CAMTA1: variants seen among roughly 807,000 people sequenced by gnomAD.
CAMTA1 encodes the protein calmodulin-binding transcription activator 1.
Under a neutral mutation model 170.9 loss-of-function variants are expected in CAMTA1, and 27 were observed. The ratio of observed to expected loss-of-function variants is 0.16; its 90% CI spans 0.12 to 0.22. The LOEUF is 0.22. Ranked by LOEUF, CAMTA1 falls within the 10% of genes least tolerant of loss-of-function variation. The pLI is 1.00. For missense variants in CAMTA1, 1,619 were observed against 2,217.2 expected (o/e 0.73, Z 5.42); for synonymous variants, 833 against 891.5 (o/e 0.93, Z 1.17).
At chr1:7,502,354 T>C (rs546015809) in intron 6 of CAMTA1, among the ~76,000 whole-genome samples, 1 of 152,356 alleles carries the variant, frequency 6.6e-6, no homozygotes, top group African/African-American at 2.4e-5. Context: ...TTTTTATTCC[T>C]CTAATACAGC....
intron 5 of CAMTA1, among the ~76,000 whole-genome samples, chr1:7,362,317 G>A (rs998274106): frequency 6.6e-6 from 1 of 152,220 alleles, no homozygotes; most frequent in African/African-American, 2.4e-5. Context: ...AACTTGGGTA[G>A]AACTGGTGGA....
chr1:6,805,875 G>GT (rs777760208), intron 1 of CAMTA1, among the ~76,000 whole-genome samples: 22 of 150,034 alleles, frequency 1.5e-4, no homozygotes, highest in Non-Finnish European at 2.5e-4. Flanking sequence ...CCATTTATCT[G>GT]TTTTTTTGTT....
At chr1:6,880,001 T>C (rs1288540012) in intron 3 of CAMTA1, among the ~76,000 whole-genome samples, 1 of 152,086 alleles carries the variant, frequency 6.6e-6, no homozygotes, top group Non-Finnish European at 1.5e-5. Flanking sequence ...GGGTAGGAAA[T>C]AGAGAAGCAT....
At chr1:7,357,764 G>A (rs936805805) in intron 5 of CAMTA1, among the ~76,000 whole-genome samples, 5 of 152,126 alleles carry the variant, frequency 3.3e-5, no homozygotes, top group African/African-American at 9.7e-5. Context: ...AGTGCTTCTG[G>A]ACCTTTCCAT....
At chr1:7,114,513 T>C (rs1644250624) in intron 4 of CAMTA1, among the ~76,000 whole-genome samples, 1 of 152,036 alleles carries the variant, frequency 6.6e-6, no homozygotes. Flanking sequence ...TGAATTTGTG[T>C]TGGGCTGCAT....
intron 3 of CAMTA1, among the ~76,000 whole-genome samples, chr1:7,057,945 G>A (rs1251875051): frequency 6.6e-6 from 1 of 152,190 alleles, no homozygotes. Context: ...GCCAGGCCAG[G>A]CCAGGCCATT....
At chr1:7,668,495 G>A (rs61282370) in intron 9 of CAMTA1, among the ~76,000 whole-genome samples, 6,966 of 151,520 alleles carry the variant, frequency 0.046, 547 homozygotes, top group East Asian at 0.26. Context: ...CATCAGACAT[G>A]GGCCCTTTAT....
At chr1:7,569,995 G>A (rs2095106316) in intron 6 of CAMTA1, among the ~76,000 whole-genome samples, 1 of 152,188 alleles carries the variant, frequency 6.6e-6, no homozygotes, top group Admixed American at 6.5e-5. Context: ...AGTGGAAAAG[G>A]TTCTAAAATC....
Position 7,367,255 on chromosome 1 carries a change from C to T in CAMTA1, c.439-100575C>T, listed in dbSNP as rs1030755853. 3.7e-4 allele frequency among the ~76,000 whole-genome samples: 57 copies of T among 152,276 alleles called. 1 individual carries two copies. Among genetic ancestry groups the T allele is most frequent in the Admixed American group, 3.3e-3 (50 of 15,302 alleles). ...CAGAGAGTAATTATTTCTTTCAGAG[C>T]GAAAGGTCCAATTTGCTGTAAAGAA... On this transcript the variant is annotated intron_variant, in intron 5 of 22. Transcript: ENST00000303635.
At chr1:7,739,780 C>T (rs1361130802) in intron 16 of CAMTA1, among the ~76,000 whole-genome samples, 1 of 152,180 alleles carries the variant, frequency 6.6e-6, no homozygotes, top group Non-Finnish European at 1.5e-5. Flanking sequence ...AATACGTGGG[C>T]ATTATGGGAG....
At chr1:7,555,799 CA>C (rs1264769718) in intron 6 of CAMTA1, among the ~76,000 whole-genome samples, 3 of 152,184 alleles carry the variant, frequency 2.0e-5, no homozygotes, top group Non-Finnish European at 4.4e-5. Flanking sequence ...ACCCCCAGGT[CA>C]CCACTAGGTC....
At chr1:7,402,994 C>A (rs1428992194) in intron 5 of CAMTA1, among the ~76,000 whole-genome samples, 1 of 152,140 alleles carries the variant, frequency 6.6e-6, no homozygotes, top group East Asian at 1.9e-4. Context: ...AATAAATGAA[C>A]AAATGATTCT....
At chr1:6,967,475 G>A (rs1691767275) in intron 3 of CAMTA1, among the ~76,000 whole-genome samples, 1 of 152,136 alleles carries the variant, frequency 6.6e-6, no homozygotes, top group Non-Finnish European at 1.5e-5. Context: ...TGCTGCTAGG[G>A]TCCTGGGAGG....
At position 7,562,808 on chromosome 1, in the gene CAMTA1, A is replaced by G. The variant is rs374164398; in HGVS notation, c.511-77592A>G. On this transcript the variant is annotated intron_variant, in intron 6 of 22. Transcript: ENST00000303635. This position sits in a 1 kb window ranked among gnomAD's most constrained non-coding sequence, Gnocchi z 4.8. ...GTTCTCATGGTCCCCAGGACCCCCAAGCAAGGCGGACGGGATGACAGGCCC... is the reference window on the plus strand; with the variant it reads ...GTTCTCATGGTCCCCAGGACCCCCAGGCAAGGCGGACGGGATGACAGGCCC... Among the ~76,000 whole-genome samples, 23 of 152,250 alleles carry G rather than the reference A, an allele frequency of 1.5e-4. No homozygotes were observed. The highest frequency in any genetic ancestry group is 3.4e-3 in the Middle Eastern group (1 of 294).
intron 11 of CAMTA1, among the ~76,000 whole-genome samples, chr1:7,687,024 G>A (rs1031009438): frequency 1.3e-5 from 2 of 152,004 alleles, no homozygotes; most frequent in Non-Finnish European, 2.9e-5. Context: ...TTAGAGATGC[G>A]GGGTTCACAT....
chr1:7,166,833 TG>T (rs1374930782), intron 4 of CAMTA1, among the ~76,000 whole-genome samples: 1 of 151,624 alleles, frequency 6.6e-6, no homozygotes, highest in East Asian at 1.9e-4. Flanking sequence ...TAAATTGAGA[TG>T]GAGTCTCACT....
intron 3 of CAMTA1, among the ~76,000 whole-genome samples, chr1:6,832,798 A>C (rs1050564142): frequency 6.6e-6 from 1 of 152,244 alleles, no homozygotes; most frequent in Non-Finnish European, 1.5e-5. Flanking sequence ...ATGAAAATGC[A>C]TATAAACAAC....
chr1:7,608,823 G>T (rs1180932203), intron 6 of CAMTA1, among the ~76,000 whole-genome samples: 1 of 152,090 alleles, frequency 6.6e-6, no homozygotes, highest in Non-Finnish European at 1.5e-5. Context: ...GAGGGCCCCA[G>T]GGGCCTCAGC....
At chr1:6,814,719 T>C (rs775728198) in intron 1 of CAMTA1, among the ~76,000 whole-genome samples, 1 of 152,240 alleles carries the variant, frequency 6.6e-6, no homozygotes, top group Non-Finnish European at 1.5e-5. Flanking sequence ...TAAAAAATAG[T>C]AAAGGTGCTA....
Sources: allele counts gnomAD v4.1 joint callset (sites outside exome capture counted in the v4.1 genomes callset), GRCh38; gene constraint gnomAD v4.1.1; non-coding constraint Gnocchi (gnomAD v3.1); transcripts MANE v1.5; gene names NCBI Gene and HGNC (gene_info 2026-07-23, HGNC 2026-07-21).